The following GPHN variants were observed in gnomAD, a reference collection of about 807,000 sequenced individuals.
GPHN encodes gephyrin.
A neutral mutation model predicts 95.5 loss-of-function variants in GPHN; 17 were observed. The ratio of observed to expected loss-of-function variants is 0.18; its 90% confidence interval spans 0.12 to 0.27. GPHN has a LOEUF of 0.27. Ranked by LOEUF, GPHN falls within the 10% of genes least tolerant of loss-of-function variation. The pLI, the probability that GPHN is intolerant of heterozygous loss-of-function variation, is 1.00. For missense variants in GPHN, 660 were observed against 978.1 expected (o/e 0.67, Z 4.34); for synonymous variants, 320 against 322.5 (o/e 0.99, Z 0.08).
intron 4 of GPHN, among the ~76,000 whole-genome samples, chr14:66,845,575 A>G (rs1173707846): frequency 6.6e-6 from 1 of 152,112 alleles, no homozygotes; most frequent in Non-Finnish European, 1.5e-5. Context: ...TTTATAGAGG[A>G]GAGAGGTAGG....
At chr14:66,588,173 A>T (rs948263920) in intron 1 of GPHN, among the ~76,000 whole-genome samples, 1 of 152,158 alleles carries the variant, frequency 6.6e-6, no homozygotes, top group Non-Finnish European at 1.5e-5. Flanking sequence ...AAAACTAATG[A>T]ACAGAAAGGA....
the GPHN span, chr14:67,385,325 C>T: frequency 6.6e-6 from 1 of 151,988 alleles, no homozygotes; most frequent in Non-Finnish European, 1.5e-5. Context: ...GGCATGGTAG[C>T]TCATGCCTGT....
intron 5 of GPHN, among the ~76,000 whole-genome samples, chr14:66,914,757 T>C (rs1219713073): frequency 1.3e-5 from 2 of 152,102 alleles, no homozygotes; most frequent in Non-Finnish European, 2.9e-5. Flanking sequence ...ATCATATTAC[T>C]GGTGATATTA....
the GPHN span, among the ~76,000 whole-genome samples, chr14:67,456,272 A>G: frequency 1.3e-5 from 2 of 152,206 alleles, no homozygotes; most frequent in Non-Finnish European, 2.9e-5. Context: ...ATGAGATACC[A>G]TCTCATACGA....
the GPHN span, among the ~76,000 whole-genome samples, chr14:67,322,937 T>C: frequency 6.6e-6 from 1 of 152,166 alleles, no homozygotes; most frequent in Non-Finnish European, 1.5e-5. Context: ...TTGGATGTGC[T>C]TTTCTTGAAT....
the GPHN span, chr14:67,656,430 G>A: frequency 9.3e-6 from 15 of 1,611,970 alleles, no homozygotes; most frequent in Admixed American, 6.7e-5. Flanking sequence ...CTCTTGGTAC[G>A]TTCTAACTGG....
At chr14:66,557,032 T>C (rs1280367443) in intron 1 of GPHN, among the ~76,000 whole-genome samples, 1 of 151,870 alleles carries the variant, frequency 6.6e-6, no homozygotes, top group Non-Finnish European at 1.5e-5. Flanking sequence ...ACCGTTTCTA[T>C]ACAAAAATAA....
At chr14:66,718,432 A>G (rs189464307) in intron 2 of GPHN, among the ~76,000 whole-genome samples, 1 of 152,296 alleles carries the variant, frequency 6.6e-6, no homozygotes, top group East Asian at 1.9e-4. Flanking sequence ...GTTACAGCTC[A>G]TAAAGGTAGT....
chr14:66,595,324 T>C (rs2061927768), intron 1 of GPHN, among the ~76,000 whole-genome samples: 1 of 152,238 alleles, frequency 6.6e-6, no homozygotes, highest in Non-Finnish European at 1.5e-5. Flanking sequence ...ATCATATCAG[T>C]ATCTCAAAGA....
At chr14:67,284,682 G>A in the GPHN span, among the ~76,000 whole-genome samples, 2 of 144,308 alleles carry the variant, frequency 1.4e-5, no homozygotes, top group Non-Finnish European at 3.0e-5. Context: ...TGACAACCAC[G>A]AATATACTTT....
chr14:66,901,903 T>G (rs2153548440), intron 5 of GPHN, among the ~76,000 whole-genome samples: 1 of 152,156 alleles, frequency 6.6e-6, no homozygotes, highest in South Asian at 2.1e-4. Context: ...GTTTTTATAT[T>G]TCTGTGGAAA....
At chr14:67,316,928 G>C in the GPHN span, 2 of 1,580,174 alleles carry the variant, frequency 1.3e-6, no homozygotes, top group Non-Finnish European at 8.6e-7. Context: ...TTTGACATAA[G>C]TAAATGGTTT....
chr14:67,514,654 C>T, the GPHN span, among the ~76,000 whole-genome samples: 1 of 152,282 alleles, frequency 6.6e-6, no homozygotes, highest in African/African-American at 2.4e-5. Context: ...GGCTCCCCAG[C>T]TTCCACCCAG....
chr14:67,195,821 G>A, the GPHN span, among the ~76,000 whole-genome samples: 101 of 151,454 alleles, frequency 6.7e-4, no homozygotes, highest in African/African-American at 2.4e-3. Context: ...TCAGCTCACT[G>A]CCATCTCCGC....
At chr14:67,365,160 A>G in the GPHN span, 1 of 813,002 alleles carries the variant, frequency 1.2e-6, no homozygotes, top group Admixed American at 3.2e-5. Flanking sequence ...AAAGGATGCC[A>G]ATTAGCTATC....
chr14:67,024,778 G>T (rs2073838716), intron 10 of GPHN, among the ~76,000 whole-genome samples: 1 of 152,034 alleles, frequency 6.6e-6, no homozygotes, highest in South Asian at 2.1e-4. Flanking sequence ...GTTTTTATTG[G>T]GGTTGGGTCA....
chr14:66,752,993 A>T (rs941520216), intron 2 of GPHN, among the ~76,000 whole-genome samples: 12 of 151,936 alleles, frequency 7.9e-5, no homozygotes, highest in Non-Finnish European at 2.9e-5. Flanking sequence ...ATATAGAATT[A>T]GTAGCATTGA....
At chr14:67,379,356 T>A in the GPHN span, among the ~76,000 whole-genome samples, 1 of 152,250 alleles carries the variant, frequency 6.6e-6, no homozygotes. Flanking sequence ...CACAGTAGTA[T>A]CTTTTGATTT....
intron 8 of GPHN, among the ~76,000 whole-genome samples, chr14:66,931,794 C>T (rs2066813361): frequency 6.6e-6 from 1 of 152,166 alleles, no homozygotes; most frequent in Admixed American, 6.6e-5. Flanking sequence ...TGTTGAGCTT[C>T]CTCAAAACAA....
Sources: allele counts gnomAD v4.1 joint callset (sites outside exome capture counted in the v4.1 genomes callset), GRCh38; gene constraint gnomAD v4.1.1; transcripts MANE v1.5; gene names NCBI Gene and HGNC (gene_info 2026-07-23, HGNC 2026-07-21).